Variants in PSMA6 observed in about 807,000 individuals in gnomAD.
PSMA6 encodes proteasome 20S subunit alpha 6.
For synonymous variants in PSMA6, 88 were observed against 97.7 expected (o/e 0.90, Z 0.59); for missense variants, 170 against 294.8 (o/e 0.58, Z 3.10).
At chr14:35,294,444 G>T (rs755391159) in intron 1 of PSMA6, among the ~76,000 whole-genome samples, 9 of 152,244 alleles carry the variant, frequency 5.9e-5, no homozygotes, top group Non-Finnish European at 1.3e-4. Context: ...TGAGCAAGCA[G>T]TATAGTGAAG....
At chr14:35,282,875 C>G (rs1156813747) in intron 1 of PSMA6, among the ~76,000 whole-genome samples, 1 of 151,758 alleles carries the variant, frequency 6.6e-6, no homozygotes, top group Non-Finnish European at 1.5e-5. Flanking sequence ...AGAGTGAGAC[C>G]CCACAGGGTC....
intron 1 of PSMA6, among the ~76,000 whole-genome samples, chr14:35,293,958 C>G (rs961791477): frequency 6.6e-6 from 1 of 152,216 alleles, no homozygotes; most frequent in Non-Finnish European, 1.5e-5. Flanking sequence ...AAAGGCTGAA[C>G]ACAGTGTCAT....
chr14:35,282,564 C>T (rs1444549677), intron 1 of PSMA6, among the ~76,000 whole-genome samples: 4 of 151,976 alleles, frequency 2.6e-5, no homozygotes, highest in East Asian at 3.9e-4. Flanking sequence ...CTAACCTAAA[C>T]GTAACTTTTA....
intron 1 of PSMA6, among the ~76,000 whole-genome samples, chr14:35,301,415 G>A (rs2051708974): frequency 6.6e-6 from 1 of 151,950 alleles, no homozygotes; most frequent in Non-Finnish European, 1.5e-5. Context: ...GCTGAGGCAG[G>A]AGAATCGCTT....
At chr14:35,295,350 A>G (rs897589031) in intron 1 of PSMA6, among the ~76,000 whole-genome samples, 3 of 151,278 alleles carry the variant, frequency 2.0e-5, no homozygotes, top group African/African-American at 7.3e-5. Flanking sequence ...AAAAAAAAAA[A>G]GTTGTAATGC....
rs759431075 is a variant in PSMA6 at position 35,278,674 on chromosome 14, T to A, written c.-26T>A. ...AGAATGGGATGGAGCCTCCACCTCA[T>A]GAAGTAGCTTCCTTTGGAGGTGGCT... On this transcript the variant is annotated 5_prime_UTR_variant, in exon 1 of 7. Coordinates refer to the PSMA6 transcript ENST00000540871. 4 of 1,534,966 alleles carry A rather than the reference T, an allele frequency of 2.6e-6. No individual in the cohort carries two copies. In the South Asian group the frequency reaches 4.8e-5, roughly 18 times the overall value.
At chr14:35,307,059 A>T (rs985296878) in intron 1 of PSMA6, among the ~76,000 whole-genome samples, 2 of 152,126 alleles carry the variant, frequency 1.3e-5, no homozygotes, top group Non-Finnish European at 1.5e-5. Context: ...GAGGCAGGAG[A>T]ATCACTTGAA....
chr14:35,292,062 G>C (rs999303853), upstream of PSMA6, among the ~76,000 whole-genome samples: 2 of 152,262 alleles, frequency 1.3e-5, no homozygotes, highest in African/African-American at 4.8e-5. Context: ...CCAGACACAG[G>C]ATGCATGTAA....
intron 1 of PSMA6, among the ~76,000 whole-genome samples, chr14:35,299,752 C>T (rs118159732): frequency 5.9e-5 from 9 of 152,280 alleles, no homozygotes; most frequent in African/African-American, 1.2e-4. Context: ...AAATTCTTTG[C>T]TCTGGCAGTT....
chr14:35,317,271 G>A lies in PSMA6; in HGVS notation c.706G>A (p.Asp236Asn). 1 of 1,612,830 alleles carries A rather than the reference G, an allele frequency of 6.2e-7. No individual in the cohort carries two copies. The highest frequency in any genetic ancestry group is 8.5e-7 in the Non-Finnish European group (1 of 1,179,414). ...TAGGATTCTTACAGAAGCAGAGATT[G>A]ATGCTCACCTTGTTGCTCTAGCAGA... Reference protein sequence around the residue: ...KFRILTEAEIDAHLVALAERD With the variant: ...KFRILTEAEINAHLVALAERD The change falls in exon 7 of 7, where the codon GAT becomes AAT. Residue 236 changes from aspartate to asparagine, a missense_variant. Coordinates refer to ENST00000261479, the MANE Select transcript of PSMA6 (RefSeq NM_002791.3).
chr14:35,291,845 A>AAAAAC (rs1555335877), upstream of PSMA6, among the ~76,000 whole-genome samples: 27 of 146,444 alleles, frequency 1.8e-4, no homozygotes, highest in Non-Finnish European at 2.3e-4. Context: ...AAAAAAAAAA[A>AAAAAC]AAGACTAAAA....
At chr14:35,291,167 T>G (rs2051474595), upstream of PSMA6, among the ~76,000 whole-genome samples, 1 of 149,896 alleles carries the variant, frequency 6.7e-6, no homozygotes, top group African/African-American at 2.5e-5. Context: ...AATTTTATTT[T>G]TTGTAGAGAC....
At chr14:35,310,591 A>G (rs1318935935) in intron 3 of PSMA6, 149 bp from the exon 4 acceptor site, 6 of 717,084 alleles carry the variant, frequency 8.4e-6, no homozygotes, top group Non-Finnish European at 1.2e-5. Flanking sequence ...GTTATTTAGT[A>G]TTCATTGGGG....
Position 35,313,193 on chromosome 14 carries a change from T to A in PSMA6, c.588+134T>A, listed in dbSNP as rs1665851503. 3.7e-6 allele frequency: 3 copies of A among 820,720 alleles called. No homozygotes were observed. In the East Asian group the frequency reaches 9.6e-5, roughly 26 times the overall value. The allele number at this position is 820,720 out of a possible 1,614,324, so 50.8% of individuals were successfully genotyped here. ...TGTCAACTTAATAATGAAATTGATA[T>A]CATACAGCTGACATAGGAAAATTTG... On this transcript the variant is annotated intron_variant, in intron 5 of 6. Transcript: ENST00000261479.
rs558996777 is a variant in PSMA6, at chr14:35,280,040, G to A, written c.19+1322G>A. On this transcript the variant is annotated intron_variant, in intron 1 of 6. Coordinates refer to the PSMA6 transcript ENST00000540871. ...CTCGGGAGGCTGAGGCAGGAGAATGGCGTGAACCAGGGAGGCGGAGCTTGC... is the reference window on the plus strand; with the variant it reads ...CTCGGGAGGCTGAGGCAGGAGAATGACGTGAACCAGGGAGGCGGAGCTTGC... 3.3e-5 allele frequency among the ~76,000 whole-genome samples: 5 copies of A among 152,032 alleles called. No homozygotes were observed. The South Asian group carries it at 1.0e-3, about 32-fold the overall frequency.
intron 1 of PSMA6, among the ~76,000 whole-genome samples, chr14:35,281,935 A>G (rs1363638354): frequency 1.3e-5 from 2 of 152,126 alleles, no homozygotes; most frequent in Non-Finnish European, 2.9e-5. Context: ...TTCTTTCTGA[A>G]TTGGGATCTT....
At chr14:35,297,229 T>C (rs1435205829) in intron 1 of PSMA6, among the ~76,000 whole-genome samples, 1 of 151,340 alleles carries the variant, frequency 6.6e-6, no homozygotes, top group Non-Finnish European at 1.5e-5. Context: ...TTTATTTTTT[T>C]GGGGGGGATT....
intron 6 of PSMA6, chr14:35,314,656 C>CA: frequency 2.0e-6 from 1 of 506,588 alleles, no homozygotes; most frequent in African/African-American, 2.0e-5. Context: ...AGCTTTTCTC[C>CA]TTATTTCAGA....
At position 35,317,390 on chromosome 14, in the gene PSMA6, A is replaced by G. The variant is rs1178388148; in HGVS notation, c.*84A>G. The G allele has an allele frequency of 3.2e-6, 4 of 1,252,112 alleles. No homozygotes were observed. Among genetic ancestry groups the G allele is most frequent in the Admixed American group, 3.5e-5 (2 of 56,392 alleles). 77.6% of individuals were successfully genotyped at this position (1,252,112 alleles called of 1,614,324 possible). A position where few individuals can be genotyped will look rare whatever the true frequency, so the allele number is the denominator to read the frequency against. On this transcript the variant is annotated 3_prime_UTR_variant, in exon 7 of 7. Coordinates refer to ENST00000261479, the MANE Select transcript of PSMA6 (RefSeq NM_002791.3). ...AAACCAACATCATGGAGGTCCCTGG[A>G]TTGAAAAAGGAGCCTCTCCCACTCC...
Sources: allele counts gnomAD v4.1 joint callset (sites outside exome capture counted in the v4.1 genomes callset), GRCh38; gene constraint gnomAD v4.1.1; transcripts MANE v1.5; gene names NCBI Gene and HGNC (gene_info 2026-07-23, HGNC 2026-07-21).